RHBDL2: variants seen among roughly 807,000 people sequenced by gnomAD.
The protein encoded by RHBDL2 is rhomboid-related protein 2.
A neutral mutation model predicts 31.7 loss-of-function variants in RHBDL2; 26 were observed. The ratio of observed to expected loss-of-function variants is 0.82; its 90% CI spans 0.60 to 1.14. The LOEUF is 1.14. Ranked by LOEUF, RHBDL2 falls within the 50% of genes most tolerant of loss-of-function variation. The probability of loss-of-function intolerance (pLI) is 0.00; values close to 1 mark genes in which losing one functional copy is unlikely to be tolerated. For missense variants in RHBDL2, 336 were observed against 364.4 expected, an observed-to-expected ratio of 0.92 and a Z score of 0.63; for synonymous variants, 123 against 127.2, an observed-to-expected ratio of 0.97 and a Z score of 0.22.
In RHBDL2 at chr1:38,896,021, G is replaced by A; in HGVS notation, c.557C>T (p.Ala186Val). The A allele has an allele frequency of 2.5e-6, 4 of 1,613,908 alleles. No individual in the cohort carries two copies. Among genetic ancestry groups the A allele is most frequent in the Non-Finnish European group, 3.4e-6 (4 of 1,179,928 alleles). Residue 186 changes from alanine to valine, a missense_variant, in exon 5 of 8, where the codon GCT becomes GTT. Ala to Val is a moderately conservative substitution (Grantham distance 64). Coordinates refer to ENST00000372990, the MANE Select transcript of RHBDL2 (RefSeq NM_017821.5). ...IFDPLRYLVG[A>V]SGGVYALMGG... is the part of the protein sequence containing the mutation. ...CATCAGAGCATAGACTCCTCCTGAA[G>A]CTCCCACAAGATATCTGAGTGGGTC... is the stretch of plus-strand genomic sequence containing the variant.
chr1:38,896,199 C>T, intron 4 of RHBDL2, 130 bp from the exon 5 acceptor site: 1 of 642,304 alleles, frequency 1.6e-6, no homozygotes, highest in African/African-American at 1.8e-5. Context: ...TCTATTTTGC[C>T]CCTTTCATAC....
rs763623514 is a variant in RHBDL2 at position 38,939,034 on chromosome 1, G to A, written c.-126+2648C>T. Among the ~76,000 whole-genome samples the A allele has an allele frequency of 5.6e-4, 86 of 152,292 alleles. No homozygotes were observed. The Middle Eastern group carries it at 0.01, about 18-fold the overall frequency. The stretch of plus-strand genomic sequence containing the variant: ...CAGGATTATAAAACTGAATGAACAG[G>A]ATCATGCTTATGATCCCTGCCCTCT... On this transcript the variant is annotated intron_variant, in intron 1 of 7. Coordinates refer to ENST00000372990, the MANE Select transcript of RHBDL2 (RefSeq NM_017821.5).
intron 5 of RHBDL2, among the ~76,000 whole-genome samples, chr1:38,894,217 T>A (rs945350153): frequency 6.6e-6 from 1 of 152,196 alleles, no homozygotes; most frequent in Non-Finnish European, 1.5e-5. Context: ...CTACAACCAC[T>A]AATGGGTTGC....
In RHBDL2 at chr1:38,886,345, A is replaced by G; in HGVS notation, c.*159T>C. 2.3e-6 allele frequency: 1 copy of G among 433,674 alleles called. No individual in the cohort carries two copies. Among genetic ancestry groups the G allele is most frequent in the Non-Finnish European group, 3.9e-6 (1 of 253,672 alleles). The allele number at this position is 433,674 out of a possible 1,614,324, so 26.9% of individuals were successfully genotyped here. On this transcript the variant is annotated 3_prime_UTR_variant, in exon 8 of 8. Transcript: ENST00000372990. ...CTTCCTTAAATCCTAAGGTCCTTTT[A>G]TAGGCAATCTTTGCAACTGATGAGT... is the stretch of plus-strand genomic sequence containing the variant.
intron 6 of RHBDL2, among the ~76,000 whole-genome samples, chr1:38,889,088 T>C (rs1642821588): frequency 6.6e-6 from 1 of 151,920 alleles, no homozygotes; most frequent in Non-Finnish European, 1.5e-5. Context: ...AGGAGTGACA[T>C]GATAGATTTT....
At chr1:38,905,128 A>G (rs1643046699) in intron 4 of RHBDL2, among the ~76,000 whole-genome samples, 1 of 152,020 alleles carries the variant, frequency 6.6e-6, no homozygotes, top group Non-Finnish European at 1.5e-5. Flanking sequence ...ACGGTGGCTC[A>G]CGCCTGTAAT....
chr1:38,909,749 ATAAAT>A, intron 4 of RHBDL2, among the ~76,000 whole-genome samples: 1 of 152,274 alleles, frequency 6.6e-6, no homozygotes, highest in East Asian at 1.9e-4. Flanking sequence ...CTCAAAATAA[ATAAAT>A]TAATGAATTA....
chr1:38,920,845 G>A (rs1643304019), intron 1 of RHBDL2, among the ~76,000 whole-genome samples: 1 of 146,024 alleles, frequency 6.8e-6, no homozygotes, highest in African/African-American at 2.5e-5. Flanking sequence ...TCGATCTCCT[G>A]ACCTCGTGAT....
chr1:38,900,625 A>C (rs186062908), intron 4 of RHBDL2, among the ~76,000 whole-genome samples: 2 of 152,164 alleles, frequency 1.3e-5, no homozygotes, highest in African/African-American at 2.4e-5. Context: ...TGTCTAAAAA[A>C]AGAAAAAAAA....
At chr1:38,926,855 A>G (rs1239482552) in intron 1 of RHBDL2, 2 of 152,320 alleles carry the variant, frequency 1.3e-5, no homozygotes, top group African/African-American at 2.4e-5. Context: ...ATCAATCAAT[A>G]AAAGAATGCT....
chr1:38,927,747 A>T (rs1379489475), intron 1 of RHBDL2, among the ~76,000 whole-genome samples: 1 of 152,238 alleles, frequency 6.6e-6, no homozygotes, highest in Non-Finnish European at 1.5e-5. Context: ...ATAAAGAGGT[A>T]CTAGAATAAT....
At chr1:38,887,668 C>T (rs182453449) in intron 7 of RHBDL2, among the ~76,000 whole-genome samples, 4 of 152,164 alleles carry the variant, frequency 2.6e-5, no homozygotes, top group African/African-American at 9.6e-5. Context: ...TGTGATCCGC[C>T]GATCTTGGCT....
chr1:38,935,632 AGACAGGGTCTCACT>A (rs1370036713), intron 1 of RHBDL2, among the ~76,000 whole-genome samples: 1 of 152,148 alleles, frequency 6.6e-6, no homozygotes, highest in East Asian at 1.9e-4. Flanking sequence ...TTTTGTTTTG[AGACAGGGTCTCACT>A]CTGTTACCCA....
chr1:38,896,609 C>T (rs1570915176), intron 4 of RHBDL2, among the ~76,000 whole-genome samples: 1 of 152,264 alleles, frequency 6.6e-6, no homozygotes, highest in East Asian at 1.9e-4. Context: ...AGTCAAAATA[C>T]CTGAGACAAT....
chr1:38,912,286 A>T (rs1643159533), intron 3 of RHBDL2, among the ~76,000 whole-genome samples: 4 of 151,740 alleles, frequency 2.6e-5, no homozygotes, highest in African/African-American at 9.7e-5. Flanking sequence ...TTGTATTTTT[A>T]GTAGAGATGG....
intron 4 of RHBDL2, among the ~76,000 whole-genome samples, chr1:38,903,463 T>G (rs1453269160): frequency 6.6e-6 from 1 of 152,074 alleles, no homozygotes; most frequent in Non-Finnish European, 1.5e-5. Context: ...TTTAAAAACA[T>G]TACCCTTTCT....
chr1:38,917,747 C>T (rs996265069), intron 2 of RHBDL2, among the ~76,000 whole-genome samples: 19 of 152,224 alleles, frequency 1.2e-4, no homozygotes, highest in African/African-American at 4.3e-4. Flanking sequence ...TCCCAGGATG[C>T]TTACACCTTA....
intron 3 of RHBDL2, among the ~76,000 whole-genome samples, chr1:38,913,323 T>C (rs1026471341): frequency 2.0e-5 from 3 of 151,950 alleles, no homozygotes; most frequent in African/African-American, 7.3e-5. Flanking sequence ...GCTATTTAAC[T>C]GACATGTTCC....
chr1:38,899,052 G>A (rs1229706689), intron 4 of RHBDL2, among the ~76,000 whole-genome samples: 1 of 152,202 alleles, frequency 6.6e-6, no homozygotes, highest in Non-Finnish European at 1.5e-5. Context: ...CTCAAGTATA[G>A]AGTAGTCTTC....
Sources: allele counts gnomAD v4.1 joint callset (sites outside exome capture counted in the v4.1 genomes callset), GRCh38; gene constraint gnomAD v4.1.1; transcripts MANE v1.5; gene names NCBI Gene and HGNC (gene_info 2026-07-23, HGNC 2026-07-21).